ZBTB7C: variants seen among roughly 807,000 people sequenced by gnomAD.
ZBTB7C encodes zinc finger and BTB domain containing 7C, also known as zinc finger and BTB domain-containing protein 7C.
A neutral mutation model predicts 25.7 loss-of-function variants in ZBTB7C; 8 were observed. The observed-to-expected ratio is 0.31, with a 90% CI of 0.18 to 0.56. The LOEUF is 0.56. ZBTB7C is among the 20% of genes least tolerant of loss of function. The pLI is 0.91. For synonymous variants in ZBTB7C, 394 were observed against 369.0 expected (o/e 1.07, Z -0.78); for missense variants, 824 against 855.2 (o/e 0.96, Z 0.46).
chr18:48,031,971 C>G (rs1477287290), intron 4 of ZBTB7C, among the ~76,000 whole-genome samples: 1 of 152,214 alleles, frequency 6.6e-6, no homozygotes, highest in Admixed American at 6.5e-5. Flanking sequence ...CACCCAGGCT[C>G]TGATGGAAAC....
At chr18:48,346,938 C>T (rs993846557) in intron 1 of ZBTB7C, among the ~76,000 whole-genome samples, 3 of 151,886 alleles carry the variant, frequency 2.0e-5, no homozygotes, top group African/African-American at 7.3e-5. Context: ...GCACGCGCCA[C>T]CACACCTGGC....
At chr18:48,321,879 G>A (rs919314714) in intron 2 of ZBTB7C, among the ~76,000 whole-genome samples, 1 of 152,224 alleles carries the variant, frequency 6.6e-6, no homozygotes, top group African/African-American at 2.4e-5. Flanking sequence ...TTTGGTAAAT[G>A]GGATGGAAGG....
intron 3 of ZBTB7C, among the ~76,000 whole-genome samples, chr18:48,056,470 T>C (rs2036919577): frequency 6.6e-6 from 1 of 152,152 alleles, no homozygotes; most frequent in African/African-American, 2.4e-5. Context: ...CCCTACCAGA[T>C]ATGAAGACAC....
chr18:48,384,683 T>A (rs1169762404), intron 1 of ZBTB7C, among the ~76,000 whole-genome samples: 2 of 152,150 alleles, frequency 1.3e-5, no homozygotes, highest in Non-Finnish European at 2.9e-5. Flanking sequence ...GTTTTTTGGT[T>A]TGTTTGTTTG....
intron 2 of ZBTB7C, among the ~76,000 whole-genome samples, chr18:48,322,086 A>T (rs1489368914): frequency 6.6e-6 from 1 of 152,198 alleles, no homozygotes; most frequent in Non-Finnish European, 1.5e-5. Flanking sequence ...CCCAAACAAG[A>T]GAGGCCATTT....
chr18:48,166,589 G>A (rs1346940772), intron 3 of ZBTB7C, among the ~76,000 whole-genome samples: 1 of 152,172 alleles, frequency 6.6e-6, no homozygotes, highest in Non-Finnish European at 1.5e-5. Context: ...GTCCCCAGCA[G>A]GTAGAAGCAC....
intron 3 of ZBTB7C, among the ~76,000 whole-genome samples, chr18:48,129,634 A>G (rs2039924324): frequency 1.3e-5 from 2 of 152,168 alleles, no homozygotes; most frequent in South Asian, 4.2e-4. Context: ...CTCTAATGTC[A>G]CTGGTGTGTG....
intron 2 of ZBTB7C, among the ~76,000 whole-genome samples, chr18:48,284,699 G>A (rs1013483588): frequency 2.7e-4 from 40 of 148,468 alleles, no homozygotes; most frequent in Admixed American, 1.4e-3. Flanking sequence ...GCTGAGGCAC[G>A]AGAATTGCTT....
At position 48,029,872 on chromosome 18, in the gene ZBTB7C, C is replaced by T; in HGVS notation, c.1248G>A (p.Gly416=). The T allele has an allele frequency of 6.2e-7, 1 of 1,611,690 alleles. No individual in the cohort carries two copies. Among genetic ancestry groups the T allele is most frequent in the Non-Finnish European group, 8.5e-7 (1 of 1,180,016 alleles). ...AGTGGATGCACAGGTAGGGCCGCTC[C>T]CCTGTGTGCTTCCGCATGTGGATTT... ...KLKIHMRKHT[G]ERPYLCIHCN... Residue 416 remains glycine, a synonymous_variant, in exon 5 of 5, where the codon GGG becomes GGA. Coordinates refer to ENST00000590800, the MANE Select transcript of ZBTB7C (RefSeq NM_001318841.2).
intron 3 of ZBTB7C, among the ~76,000 whole-genome samples, chr18:48,052,900 T>C (rs2036752456): frequency 6.6e-6 from 1 of 152,198 alleles, no homozygotes; most frequent in Non-Finnish European, 1.5e-5. Flanking sequence ...ACAGCTCGAC[T>C]TCAGATGTCT....
chr18:48,387,505 C>T (rs967850762), intron 1 of ZBTB7C, among the ~76,000 whole-genome samples: 4 of 152,242 alleles, frequency 2.6e-5, no homozygotes, highest in African/African-American at 7.2e-5. Flanking sequence ...TCATCACTTA[C>T]AGCTAGCTGC....
At chr18:48,233,537 A>C (rs1341198040) in intron 2 of ZBTB7C, among the ~76,000 whole-genome samples, 2 of 152,250 alleles carry the variant, frequency 1.3e-5, no homozygotes, top group African/African-American at 4.8e-5. Context: ...GTGCTATCTT[A>C]CTGCCTACAT....
chr18:48,081,277 T>C (rs893581429), intron 3 of ZBTB7C, among the ~76,000 whole-genome samples: 2 of 152,116 alleles, frequency 1.3e-5, no homozygotes, highest in Non-Finnish European at 2.9e-5. Flanking sequence ...CCATTCAGCA[T>C]GGGGCATCGA....
At chr18:48,033,156 A>G (rs149143249) in intron 4 of ZBTB7C, among the ~76,000 whole-genome samples, 257 of 152,334 alleles carry the variant, frequency 1.7e-3, no homozygotes, top group Non-Finnish European at 2.9e-3. Flanking sequence ...CCCATTGTCC[A>G]GGGCAGATGG....
rs759664087 is a variant in ZBTB7C, at chr18:48,260,726, C to T, written c.-78-74731G>A. On this transcript the variant is annotated intron_variant, in intron 2 of 4. Coordinates refer to ENST00000590800, the MANE Select transcript of ZBTB7C (RefSeq NM_001318841.2). ...TAGTAAAGTTTTCGAGTTGGCAAAACCAAAGCACAAGACACCAGTGAAGGC... is the reference window on the plus strand; with the variant it reads ...TAGTAAAGTTTTCGAGTTGGCAAAATCAAAGCACAAGACACCAGTGAAGGC... Among the ~76,000 whole-genome samples the T allele has an allele frequency of 1.3e-4, 20 of 152,178 alleles. 1 individual carries two copies. The highest frequency in any genetic ancestry group is 9.8e-4 in the Admixed American group (15 of 15,280).
At chr18:48,194,319 G>A (rs1168728269) in intron 2 of ZBTB7C, among the ~76,000 whole-genome samples, 7 of 152,206 alleles carry the variant, frequency 4.6e-5, no homozygotes, top group Non-Finnish European at 8.8e-5. Context: ...AAGTCATCCT[G>A]CAGCTCTCTG....
intron 2 of ZBTB7C, among the ~76,000 whole-genome samples, chr18:48,285,878 C>T (rs1389387246): frequency 6.6e-6 from 1 of 152,026 alleles, no homozygotes; most frequent in Non-Finnish European, 1.5e-5. Context: ...GAAGATGGTG[C>T]TTCCTTGTGA....
In ZBTB7C at chr18:48,404,119, G is replaced by A. The variant is rs1391363904; in HGVS notation, c.-304+5107C>T. On this transcript the variant is annotated intron_variant, in intron 1 of 4. Transcript: ENST00000590800. ...AATACAAAAATTAACCAGCCATGGC[G>A]GGGCCGCCTATAATCCCAGCTATTC... Among the ~76,000 whole-genome samples, 4 of 152,144 alleles carry A rather than the reference G, an allele frequency of 2.6e-5. 1 individual carries two copies. Among genetic ancestry groups the A allele is most frequent in the East Asian group, 1.9e-4 (1 of 5,194 alleles).
In ZBTB7C at chr18:48,068,539, C is replaced by T. The variant is rs760706672; in HGVS notation, c.-16-27416G>A. Among the ~76,000 whole-genome samples, 8 of 152,220 alleles carry T rather than the reference C, an allele frequency of 5.3e-5. No individual in the cohort carries two copies. In the East Asian group the frequency reaches 7.7e-4, roughly 15 times the overall value. ...CAAAACACCAGCATCTAGACCCCAA[C>T]CCCAGACAAGTTGAATTAGACTTTC... On this transcript the variant is annotated intron_variant, in intron 3 of 4. Transcript: ENST00000590800.
Sources: allele counts gnomAD v4.1 joint callset (sites outside exome capture counted in the v4.1 genomes callset), GRCh38; gene constraint gnomAD v4.1.1; transcripts MANE v1.5; gene names NCBI Gene and HGNC (gene_info 2026-07-23, HGNC 2026-07-21).